The following LNX1 variants were observed in gnomAD, a reference collection of about 807,000 sequenced individuals.
LNX1 encodes E3 ubiquitin-protein ligase LNX.
In LNX1, 54 loss-of-function variants were observed where a neutral mutation model predicts 68.4. The ratio of observed to expected loss-of-function variants is 0.79; its 90% CI spans 0.63 to 0.99. The LOEUF is 0.99. LNX1 is among the 50% of genes least tolerant of loss of function. The pLI is 0.00. For synonymous variants in LNX1, 336 were observed against 350.0 expected, an observed-to-expected ratio of 0.96 and a Z score of 0.45; for missense variants, 906 against 926.4, an observed-to-expected ratio of 0.98 and a Z score of 0.29.
At chr4:53,642,456 C>A (rs1734723137) in intron 1 of LNX1, among the ~76,000 whole-genome samples, 1 of 152,156 alleles carries the variant, frequency 6.6e-6, no homozygotes, top group South Asian at 2.1e-4. Context: ...GACAAAGGGT[C>A]TCCTGGCCAT....
intron 2 of LNX1, among the ~76,000 whole-genome samples, chr4:53,567,740 G>T (rs1730802222): frequency 6.6e-6 from 1 of 152,200 alleles, no homozygotes; most frequent in African/African-American, 2.4e-5. Context: ...AAAATTGATA[G>T]ACTGCTAACA....
At position 53,459,915 on chromosome 4, in the gene LNX1, G is replaced by GACTC. The variant is rs1330653860; in HGVS notation, c.*988_*991dup. The GACTC allele has an allele frequency of 2.7e-5, 6 of 220,586 alleles. 1 individual carries two copies. Among genetic ancestry groups the GACTC allele is most frequent in the East Asian group, 6.6e-5 (1 of 15,132 alleles). 13.7% of individuals were successfully genotyped at this position (220,586 alleles called of 1,614,324 possible). On this transcript the variant is annotated 3_prime_UTR_variant, in exon 11 of 11. Coordinates refer to ENST00000263925, the MANE Select transcript of LNX1 (RefSeq NM_001126328.3). ...GACACTCTTGCTTAGTATATTAAGA[G>GACTC]ACTCATACATTTTTGATATCACAAC...
At position 53,641,352 on chromosome 4, in the gene LNX1, C is replaced by T. The variant is rs1734675353; in HGVS notation, c.-215+10816G>A. Among the ~76,000 whole-genome samples, 3 of 152,232 alleles carry T rather than the reference C, an allele frequency of 2.0e-5. No homozygotes were observed. The South Asian group carries it at 6.2e-4, about 31-fold the overall frequency. On this transcript the variant is annotated intron_variant, in intron 1 of 2. Coordinates refer to the LNX1 transcript ENST00000507168. ...CTCTTCAGAGAAAGTGAGAGGGTGC[C>T]ACAGCAGGGCTTTCACCCACCAATA... is the stretch of plus-strand genomic sequence containing the variant.
At chr4:53,565,162 T>C (rs1364197020) in intron 2 of LNX1, among the ~76,000 whole-genome samples, 1 of 152,156 alleles carries the variant, frequency 6.6e-6, no homozygotes, top group East Asian at 1.9e-4. Context: ...CAGGGAGGCC[T>C]GCCTGCCTCT....
chr4:53,561,685 C>T (rs915289083), intron 2 of LNX1, among the ~76,000 whole-genome samples: 7 of 152,178 alleles, frequency 4.6e-5, no homozygotes, highest in Admixed American at 1.3e-4. Flanking sequence ...AAAGTTAATC[C>T]GGAAAATATT....
intron 1 of LNX1, among the ~76,000 whole-genome samples, chr4:53,651,692 C>T (rs1735105609): frequency 6.6e-6 from 1 of 152,220 alleles, no homozygotes; most frequent in South Asian, 2.1e-4. Flanking sequence ...CACAGCTTCT[C>T]TCAACCTCTT....
At chr4:53,609,772 T>A (rs2590797) in intron 2 of LNX1, among the ~76,000 whole-genome samples, 103,660 of 141,740 alleles carry the variant, frequency 0.73, 38,181 homozygotes, top group East Asian at 0.89. Context: ...TATTATATAT[T>A]ATATATAATA....
At position 53,479,993 on chromosome 4, in the gene LNX1, C is replaced by T. The variant is rs538260434; in HGVS notation, c.1486-1251G>A. Among the ~76,000 whole-genome samples the T allele has an allele frequency of 5.3e-5, 8 of 152,284 alleles. No homozygotes were observed. In the South Asian group the frequency reaches 1.5e-3, roughly 28 times the overall value. On this transcript the variant is annotated intron_variant, in intron 7 of 10. Coordinates refer to ENST00000263925, the MANE Select transcript of LNX1 (RefSeq NM_001126328.3). ...GAGGTAAACCATGCAAAATTTGATG[C>T]CTAGCATTCCTTAACTTTTTTAATT... is the stretch of plus-strand genomic sequence containing the variant.
chr4:53,499,584 A>G (rs1345723978), intron 4 of LNX1, among the ~76,000 whole-genome samples: 1 of 152,220 alleles, frequency 6.6e-6, no homozygotes, highest in Non-Finnish European at 1.5e-5. Context: ...TACTGAATTA[A>G]TAGAAGTGAA....
At chr4:53,495,597 C>T (rs949072874) in intron 6 of LNX1, among the ~76,000 whole-genome samples, 1 of 143,360 alleles carries the variant, frequency 7.0e-6, no homozygotes, top group Admixed American at 7.3e-5. Flanking sequence ...GGCTAGAGTG[C>T]AGTGGCACGA....
intron 2 of LNX1, among the ~76,000 whole-genome samples, chr4:53,526,402 G>A (rs1249668922): frequency 2.0e-5 from 3 of 152,054 alleles, no homozygotes; most frequent in African/African-American, 7.2e-5. Flanking sequence ...CCAAACCCTG[G>A]CACAAAATGG....
At chr4:53,490,954 G>A (rs78800179) in intron 6 of LNX1, among the ~76,000 whole-genome samples, 15 of 152,132 alleles carry the variant, frequency 9.9e-5, no homozygotes, top group African/African-American at 2.9e-4. Context: ...TATAAAGCAC[G>A]TTGGCTTTGT....
intron 2 of LNX1, among the ~76,000 whole-genome samples, chr4:53,563,464 G>A (rs570926138): frequency 6.6e-6 from 1 of 152,088 alleles, no homozygotes. Context: ...GAGTAAGAGG[G>A]GGGCCTACTG....
chr4:53,471,496 C>G (rs953923561), intron 9 of LNX1, among the ~76,000 whole-genome samples: 1 of 152,152 alleles, frequency 6.6e-6, no homozygotes, highest in Non-Finnish European at 1.5e-5. Context: ...CAAATGGGAT[C>G]TAATTAAATG....
intron 6 of LNX1, among the ~76,000 whole-genome samples, chr4:53,488,590 G>T (rs987233593): frequency 1.3e-5 from 2 of 152,076 alleles, no homozygotes; most frequent in African/African-American, 4.8e-5. Context: ...CATTAATGGC[G>T]TTTCAATTTT....
At chr4:53,641,013 T>C (rs1734660983) in intron 1 of LNX1, among the ~76,000 whole-genome samples, 1 of 152,248 alleles carries the variant, frequency 6.6e-6, no homozygotes, top group Non-Finnish European at 1.5e-5. Flanking sequence ...GGCTGGCTGC[T>C]AATTGGAGCT....
chr4:53,562,571 C>T (rs1011487531), intron 2 of LNX1, among the ~76,000 whole-genome samples: 10 of 152,226 alleles, frequency 6.6e-5, no homozygotes, highest in African/African-American at 1.7e-4. Context: ...ACAAATGAAA[C>T]GCATTCTGGA....
chr4:53,471,203 T>C (rs1182675064), intron 9 of LNX1, among the ~76,000 whole-genome samples: 2 of 151,850 alleles, frequency 1.3e-5, no homozygotes, highest in Non-Finnish European at 2.9e-5. Flanking sequence ...TACAACCATC[T>C]GATCTTTGAC....
chr4:53,510,036 A>AAAAAAAACG, intron 2 of LNX1, among the ~76,000 whole-genome samples: 3 of 152,248 alleles, frequency 2.0e-5, no homozygotes, highest in Non-Finnish European at 4.4e-5. Context: ...AAGCAGAATC[A>AAAAAAAACG]CAATTCTGTG....
Sources: allele counts gnomAD v4.1 joint callset (sites outside exome capture counted in the v4.1 genomes callset), GRCh38; gene constraint gnomAD v4.1.1; transcripts MANE v1.5; gene names NCBI Gene and HGNC (gene_info 2026-07-23, HGNC 2026-07-21).